The following GPR158 variants were observed in gnomAD, a reference collection of about 807,000 sequenced individuals.
GPR158 encodes the protein metabotropic glycine receptor.
In GPR158, 30 loss-of-function variants were observed where a neutral mutation model predicts 78.2. The ratio of observed to expected loss-of-function variants is 0.38; its 90% CI spans 0.29 to 0.52. The LOEUF is 0.52. Among genes scored for constraint, GPR158 ranks in the 20% least tolerant of loss-of-function variants. The pLI, the probability that GPR158 is intolerant of heterozygous loss-of-function variation, is 0.83. For synonymous variants in GPR158, 581 were observed against 591.1 expected, an observed-to-expected ratio of 0.98 and a Z score of 0.25; for missense variants, 1,463 against 1,523.5, an observed-to-expected ratio of 0.96 and a Z score of 0.66.
chr10:25,276,316 T>C (rs915740688), intron 2 of GPR158, among the ~76,000 whole-genome samples: 68 of 152,340 alleles, frequency 4.5e-4, no homozygotes, highest in African/African-American at 1.6e-3. Flanking sequence ...TTCTCTCTCT[T>C]GCTCAATTTT....
intron 5 of GPR158, among the ~76,000 whole-genome samples, chr10:25,484,470 C>T (rs1835705851): frequency 6.6e-6 from 1 of 152,120 alleles, no homozygotes; most frequent in African/African-American, 2.4e-5. Context: ...GATGTGAAGG[C>T]AGAAATGACA....
chr10:25,595,094 A>T (rs908087261), intron 9 of GPR158, among the ~76,000 whole-genome samples: 2 of 152,174 alleles, frequency 1.3e-5, no homozygotes, highest in Non-Finnish European at 2.9e-5. Flanking sequence ...TTTATACATA[A>T]ACACAATATT....
At position 25,326,820 on chromosome 10, in the gene GPR158, A is replaced by G. The variant is rs1285859353; in HGVS notation, c.1009-69091A>G. ...TACCTTGACTAATTTCACAACATATACATATATCAAAACATCACATTGTGC... is the reference window on the plus strand; with the variant it reads ...TACCTTGACTAATTTCACAACATATGCATATATCAAAACATCACATTGTGC... On this transcript the variant is annotated intron_variant, in intron 2 of 10. Coordinates refer to ENST00000376351, the MANE Select transcript of GPR158 (RefSeq NM_020752.3). Among the ~76,000 whole-genome samples, 3 of 152,220 alleles carry G rather than the reference A, an allele frequency of 2.0e-5. No individual in the cohort carries two copies. The South Asian group carries it at 6.2e-4, about 31-fold the overall frequency.
chr10:25,412,776 C>A (rs1834610255), intron 4 of GPR158, among the ~76,000 whole-genome samples: 2 of 152,154 alleles, frequency 1.3e-5, no homozygotes, highest in South Asian at 4.1e-4. Context: ...ACTTATTCTA[C>A]CAGCATCCAA....
At chr10:25,483,996 C>G (rs1835698646) in intron 5 of GPR158, among the ~76,000 whole-genome samples, 1 of 152,156 alleles carries the variant, frequency 6.6e-6, no homozygotes, top group African/African-American at 2.4e-5. Flanking sequence ...CTGTTTTTAT[C>G]TTTGTGTCTC....
At chr10:25,338,072 C>A (rs1478511065) in intron 2 of GPR158, among the ~76,000 whole-genome samples, 2 of 151,634 alleles carry the variant, frequency 1.3e-5, no homozygotes, top group African/African-American at 4.8e-5. Context: ...ATGCAGCTTG[C>A]CTTTTCACTC....
chr10:25,442,079 A>G (rs1835075359), intron 4 of GPR158, among the ~76,000 whole-genome samples: 1 of 152,198 alleles, frequency 6.6e-6, no homozygotes, highest in African/African-American at 2.4e-5. Context: ...GAGAGGGCAC[A>G]ACTGTGAAAG....
At chr10:25,504,442 T>C (rs575376739) in intron 5 of GPR158, among the ~76,000 whole-genome samples, 2 of 152,212 alleles carry the variant, frequency 1.3e-5, no homozygotes, top group East Asian at 3.9e-4. Flanking sequence ...CTCTAATCTC[T>C]TAGCCTTGTT....
At chr10:25,490,899 C>T (rs575180598) in intron 5 of GPR158, among the ~76,000 whole-genome samples, 1 of 152,236 alleles carries the variant, frequency 6.6e-6, no homozygotes, top group Admixed American at 6.5e-5. Flanking sequence ...CGCAACCCAA[C>T]AGTACTACTT....
chr10:25,594,491 G>T, intron 9 of GPR158, 94 bp downstream of exon 9: 2 of 536,158 alleles, frequency 3.7e-6, no homozygotes, highest in Non-Finnish European at 6.5e-6. Context: ...ATGGAAATTT[G>T]CTTAATATTT....
chr10:25,270,753 G>T (rs2130742706), intron 2 of GPR158, among the ~76,000 whole-genome samples: 1 of 152,108 alleles, frequency 6.6e-6, no homozygotes, highest in East Asian at 1.9e-4. Context: ...TACTATTTTT[G>T]TCTACTTGTC....
At chr10:25,341,498 A>G (rs1167106611) in intron 2 of GPR158, among the ~76,000 whole-genome samples, 1 of 152,016 alleles carries the variant, frequency 6.6e-6, no homozygotes, top group Non-Finnish European at 1.5e-5. Context: ...AATCTAATAG[A>G]TAAGAAAAAT....
intron 2 of GPR158, chr10:25,244,848 T>G (rs1331056007): frequency 6.6e-6 from 1 of 152,090 alleles, no homozygotes; most frequent in Non-Finnish European, 1.5e-5. Flanking sequence ...CTAGACTTTT[T>G]TTTTTTTTAA....
chr10:25,455,328 G>T (rs1206770964), intron 4 of GPR158, among the ~76,000 whole-genome samples: 1 of 152,142 alleles, frequency 6.6e-6, no homozygotes, highest in Non-Finnish European at 1.5e-5. Flanking sequence ...GACTGATTTA[G>T]TAATAGTTCA....
At chr10:25,452,845 T>C (rs931055925) in intron 4 of GPR158, among the ~76,000 whole-genome samples, 2 of 152,210 alleles carry the variant, frequency 1.3e-5, no homozygotes, top group African/African-American at 2.4e-5. Flanking sequence ...ATTCATCTTA[T>C]AACTGAAAGT....
intron 5 of GPR158, among the ~76,000 whole-genome samples, chr10:25,491,437 A>G (rs1835807843): frequency 1.3e-5 from 2 of 152,324 alleles, no homozygotes; most frequent in South Asian, 4.1e-4. Flanking sequence ...CAATGGACTT[A>G]AAAAAGAATG....
chr10:25,293,745 A>ATTTT (rs5783917), intron 2 of GPR158, among the ~76,000 whole-genome samples: 1 of 144,716 alleles, frequency 6.9e-6, no homozygotes. Flanking sequence ...TAAACCTGTA[A>ATTTT]TTTTTTTTTT....
chr10:25,597,007 C>T (rs910650181), intron 10 of GPR158, among the ~76,000 whole-genome samples: 1 of 152,148 alleles, frequency 6.6e-6, no homozygotes, highest in Admixed American at 6.6e-5. Flanking sequence ...TTAGAATGCA[C>T]AGGCCATTTC....
At chr10:25,289,578 G>C (rs12411653) in intron 2 of GPR158, among the ~76,000 whole-genome samples, 6 of 151,698 alleles carry the variant, frequency 4.0e-5, no homozygotes, top group Admixed American at 6.6e-5. Context: ...GACTACAGGC[G>C]CCCACCACCA....
Sources: allele counts gnomAD v4.1 joint callset (sites outside exome capture counted in the v4.1 genomes callset), GRCh38; gene constraint gnomAD v4.1.1; transcripts MANE v1.5; gene names NCBI Gene and HGNC (gene_info 2026-07-23, HGNC 2026-07-21).